The following COL19A1 variants were observed in gnomAD, a reference collection of about 807,000 sequenced individuals.
COL19A1 encodes collagen type XIX alpha 1 chain.
A neutral mutation model predicts 190.2 loss-of-function variants in COL19A1; 159 were observed. The ratio of observed to expected loss-of-function variants is 0.84; its 90% CI spans 0.73 to 0.95. The LOEUF (loss-of-function observed/expected upper bound fraction) is 0.95, where lower values mean the gene tolerates loss of function less well. Among genes scored for constraint, COL19A1 ranks in the 40% least tolerant of loss-of-function variants. The probability of loss-of-function intolerance (pLI) is 0.00; values close to 1 mark genes in which losing one functional copy is unlikely to be tolerated. For missense variants in COL19A1, 1,418 were observed against 1,431.9 expected (o/e 0.99, Z 0.16); for synonymous variants, 509 against 458.9 (o/e 1.11, Z -1.39).
chr6:70,203,670 T>C (rs1490695461), intron 49 of COL19A1, among the ~76,000 whole-genome samples: 1 of 152,060 alleles, frequency 6.6e-6, no homozygotes, highest in Non-Finnish European at 1.5e-5. Context: ...TTTACAACTT[T>C]AGAAGTAAAT....
chr6:69,975,006 G>A (rs1775637884), intron 11 of COL19A1, among the ~76,000 whole-genome samples: 2 of 151,612 alleles, frequency 1.3e-5, no homozygotes, highest in South Asian at 4.2e-4. Flanking sequence ...GTGGAGACAG[G>A]GTTTCACCAT....
chr6:70,190,043 G>A (rs1229984644), intron 47 of COL19A1, among the ~76,000 whole-genome samples: 15 of 152,166 alleles, frequency 9.9e-5, no homozygotes, highest in Non-Finnish European at 1.5e-5. Context: ...ACTGTATAAA[G>A]CCATGTGTCT....
intron 16 of COL19A1, among the ~76,000 whole-genome samples, chr6:70,106,672 A>G (rs1562179109): frequency 6.6e-6 from 1 of 152,204 alleles, no homozygotes; most frequent in Non-Finnish European, 1.5e-5. Flanking sequence ...GCTACAATGT[A>G]TTTTTGTAAA....
At chr6:70,166,598 A>C (rs928406040) in intron 37 of COL19A1, among the ~76,000 whole-genome samples, 5 of 152,222 alleles carry the variant, frequency 3.3e-5, no homozygotes, top group African/African-American at 1.2e-4. Context: ...GAGCTGAGAT[A>C]TCACGCAAAA....
intron 9 of COL19A1, among the ~76,000 whole-genome samples, chr6:69,950,835 A>G (rs1193298121): frequency 6.6e-6 from 1 of 151,844 alleles, no homozygotes; most frequent in East Asian, 1.9e-4. Flanking sequence ...GTTTGTTTTC[A>G]TTACCTGAAT....
At chr6:70,153,963 A>AT (rs916699278) in intron 31 of COL19A1, among the ~76,000 whole-genome samples, 3 of 151,720 alleles carry the variant, frequency 2.0e-5, no homozygotes, top group African/African-American at 7.3e-5. Context: ...TTCACCCAGC[A>AT]TTTTTTTTAT....
chr6:70,193,461 A>C (rs964039138), intron 48 of COL19A1, among the ~76,000 whole-genome samples: 1 of 152,090 alleles, frequency 6.6e-6, no homozygotes, highest in Non-Finnish European at 1.5e-5. Context: ...CTGGAAGCTG[A>C]CAGGTGCAGA....
intron 19 of COL19A1, 81 bp from the exon 20 acceptor site, chr6:70,140,873 C>A: frequency 7.6e-7 from 1 of 1,321,038 alleles, no homozygotes; most frequent in Non-Finnish European, 1.1e-6. Flanking sequence ...CTGAGTTTGG[C>A]CTATAGGGTT....
chr6:70,108,471 G>C (rs1464062071), intron 16 of COL19A1, among the ~76,000 whole-genome samples: 2 of 152,092 alleles, frequency 1.3e-5, no homozygotes, highest in African/African-American at 4.8e-5. Flanking sequence ...AAAAGCTCTA[G>C]TCAAAGAATG....
At chr6:69,949,479 A>G (rs938780566) in intron 9 of COL19A1, among the ~76,000 whole-genome samples, 2 of 151,960 alleles carry the variant, frequency 1.3e-5, no homozygotes, top group Admixed American at 1.3e-4. Context: ...AAAACAAGAA[A>G]GTTACTAGCG....
At chr6:70,179,140 A>C (rs1455682535) in intron 42 of COL19A1, among the ~76,000 whole-genome samples, 1 of 152,170 alleles carries the variant, frequency 6.6e-6, no homozygotes, top group African/African-American at 2.4e-5. Flanking sequence ...GTGGGGACCC[A>C]GGGATGCTCT....
chr6:70,155,954 G>T (rs531790586), intron 31 of COL19A1, among the ~76,000 whole-genome samples, 173 bp from the exon 32 acceptor site: 3 of 152,150 alleles, frequency 2.0e-5, no homozygotes, highest in Admixed American at 2.0e-4. Context: ...AACAGTTTTT[G>T]CCTCACAAAA....
rs1169819008 is a variant in COL19A1, at chr6:70,062,517, T to C, written c.1171-5906T>C. ...GAAAGGAACAACTGGTAACGGCCAC[T>C]GCAAAAACATGCCAAATTGTAAAGA... On this transcript the variant is annotated intron_variant, in intron 14 of 50. Coordinates refer to ENST00000620364, the MANE Select transcript of COL19A1 (RefSeq NM_001858.6). 3.9e-5 allele frequency among the ~76,000 whole-genome samples: 6 copies of C among 152,260 alleles called. No individual in the cohort carries two copies. In the East Asian group the frequency reaches 1.2e-3, roughly 29 times the overall value.
intron 14 of COL19A1, chr6:70,059,797 A>C (rs1383233360): frequency 1.9e-6 from 1 of 527,796 alleles, no homozygotes; most frequent in South Asian, 1.4e-5. Flanking sequence ...CTTTCAGAAA[A>C]GTGATAAATC....
chr6:69,900,475 T>G (rs1770112416), intron 4 of COL19A1, 137 bp downstream of exon 4: 1 of 452,578 alleles, frequency 2.2e-6, no homozygotes, highest in Non-Finnish European at 3.9e-6. Flanking sequence ...AAACGTGTTG[T>G]TAATGTATTT....
chr6:70,184,789 A>G (rs756854872), intron 45 of COL19A1, 51 bp downstream of exon 45: 18 of 1,603,378 alleles, frequency 1.1e-5, no homozygotes, highest in Non-Finnish European at 1.5e-5. Flanking sequence ...CTGCATCCAG[A>G]ATACCTACCA....
chr6:70,027,371 T>C (rs1280779603), intron 12 of COL19A1, among the ~76,000 whole-genome samples: 1 of 152,222 alleles, frequency 6.6e-6, no homozygotes, highest in East Asian at 1.9e-4. Flanking sequence ...TATGTAGCAA[T>C]TCAGTCTTTC....
At chr6:69,978,693 C>T (rs1775864147) in intron 11 of COL19A1, among the ~76,000 whole-genome samples, 1 of 149,558 alleles carries the variant, frequency 6.7e-6, no homozygotes, top group Non-Finnish European at 1.5e-5. Flanking sequence ...AATAAATAGC[C>T]CCGAAACAAA....
intron 31 of COL19A1, among the ~76,000 whole-genome samples, chr6:70,155,723 C>CT (rs969048611): frequency 2.0e-5 from 3 of 152,116 alleles, no homozygotes; most frequent in Admixed American, 2.0e-4. Context: ...ATGGTTTATG[C>CT]TATAGGTTGT....
Sources: allele counts gnomAD v4.1 joint callset (sites outside exome capture counted in the v4.1 genomes callset), GRCh38; gene constraint gnomAD v4.1.1; transcripts MANE v1.5; gene names NCBI Gene and HGNC (gene_info 2026-07-23, HGNC 2026-07-21).